ABCA10: variants seen among roughly 807,000 people sequenced by gnomAD.
ABCA10 encodes ATP-binding cassette sub-family A member 10.
In ABCA10, 169 loss-of-function variants were observed where a neutral mutation model predicts 187.5. That is an observed-to-expected ratio of 0.90 (90% CI 0.80 to 1.02). ABCA10 has a LOEUF of 1.02. Ranked by LOEUF, ABCA10 falls within the 50% of genes least tolerant of loss-of-function variation. ABCA10 has a pLI of 0.00. For synonymous variants in ABCA10, 574 were observed against 601.8 expected, an observed-to-expected ratio of 0.95 and a Z score of 0.68; for missense variants, 1,727 against 1,812.4, an observed-to-expected ratio of 0.95 and a Z score of 0.86.
chr17:69,188,061 A>G (rs2074435501), intron 18 of ABCA10, among the ~76,000 whole-genome samples, 182 bp from the exon 19 acceptor site: 1 of 152,214 alleles, frequency 6.6e-6, no homozygotes, highest in Admixed American at 6.5e-5. Flanking sequence ...TTCAGTTCCA[A>G]TGAGACAGTA....
chr17:69,164,907 A>T, intron 26 of ABCA10, 57 bp downstream of exon 26: 1 of 1,561,122 alleles, frequency 6.4e-7, no homozygotes. Context: ...ATGGGTAAGG[A>T]TTTTATTAAT....
At chr17:69,235,150 T>C (rs2074859320) in intron 1 of ABCA10, 1 of 152,240 alleles carries the variant, frequency 6.6e-6, no homozygotes. Context: ...TTTAACCATC[T>C]CTGCCCATCT....
intron 25 of ABCA10, among the ~76,000 whole-genome samples, chr17:69,168,544 AT>A (rs1436124668): frequency 6.6e-6 from 1 of 152,226 alleles, no homozygotes; most frequent in Non-Finnish European, 1.5e-5. Flanking sequence ...TAATCAAAAA[AT>A]ATGCATATTA....
In ABCA10 at chr17:69,152,378, C is replaced by T. The variant is rs1470799367; in HGVS notation, c.4240G>A (p.Val1414Met). 2 of 1,613,614 alleles carry T rather than the reference C, an allele frequency of 1.2e-6. No homozygotes were observed. Among genetic ancestry groups the T allele is most frequent in the Non-Finnish European group, 1.7e-6 (2 of 1,179,888 alleles). Residue 1414 changes from valine to methionine, a missense_variant, in exon 35 of 39, where the codon GTG becomes ATG. Transcript: ENST00000690296. ...EAVCDRMAMMVSGTLRCIGSI... is the reference protein window; with the variant it reads ...EAVCDRMAMMMSGTLRCIGSI... ...GGCACCCACCTTAGCGTTCCTGACA[C>T]CATCATGGCCATACGGTCACACACA... is the stretch of plus-strand genomic sequence containing the variant.
chr17:69,188,950 T>C (rs2074440931), intron 18 of ABCA10, among the ~76,000 whole-genome samples: 1 of 152,160 alleles, frequency 6.6e-6, no homozygotes, highest in African/African-American at 2.4e-5. Flanking sequence ...GGCATCTAGG[T>C]TGATTCCATG....
chr17:69,159,346 A>C (rs972616151), intron 27 of ABCA10, among the ~76,000 whole-genome samples: 2 of 152,124 alleles, frequency 1.3e-5, no homozygotes, highest in African/African-American at 4.8e-5. Flanking sequence ...GGTAGTTCCA[A>C]AAAGATAGGG....
intron 17 of ABCA10, among the ~76,000 whole-genome samples, 173 bp downstream of exon 17, chr17:69,191,003 A>G (rs2074455548): frequency 6.6e-6 from 1 of 152,172 alleles, no homozygotes; most frequent in South Asian, 2.1e-4. Flanking sequence ...TTTAGTTGCT[A>G]TAATACGTCC....
intron 31 of ABCA10, 64 bp from the exon 32 acceptor site, chr17:69,154,073 G>A: frequency 6.5e-7 from 1 of 1,548,586 alleles, no homozygotes; most frequent in South Asian, 1.3e-5. Flanking sequence ...TTCTACTAAA[G>A]GAGATAAAAG....
At chr17:69,231,457 A>G (rs535110513), upstream of ABCA10, among the ~76,000 whole-genome samples, 30 of 152,212 alleles carry the variant, frequency 2.0e-4, no homozygotes, top group Non-Finnish European at 3.1e-4. Flanking sequence ...TGGTTCTAGT[A>G]TATCATGTTC....
At chr17:69,167,048 C>T (rs1015674028) in intron 25 of ABCA10, among the ~76,000 whole-genome samples, 1 of 152,138 alleles carries the variant, frequency 6.6e-6, no homozygotes, top group Admixed American at 6.5e-5. Flanking sequence ...AACAAGAAGG[C>T]CTGGACAATG....
intron 22 of ABCA10, among the ~76,000 whole-genome samples, chr17:69,180,604 A>G (rs1458369159): frequency 6.6e-6 from 1 of 152,156 alleles, no homozygotes; most frequent in African/African-American, 2.4e-5. Context: ...ATGAAATTAT[A>G]TTAGATCTCA....
rs78122646 is a variant in ABCA10 at position 69,224,268 on chromosome 17, T to C, written c.34+1057A>G. 2.7e-3 allele frequency among the ~76,000 whole-genome samples: 414 copies of C among 152,112 alleles called. 3 individuals carry two copies. Among genetic ancestry groups the C allele is most frequent in the African/African-American group, 9.1e-3 (377 of 41,506 alleles). ...GCAATCCAGACACCAAAAAACTAAATAAAAGTTTCAGAAAGACAAGAAAAA... is the reference window on the plus strand; with the variant it reads ...GCAATCCAGACACCAAAAAACTAAACAAAAGTTTCAGAAAGACAAGAAAAA... On this transcript the variant is annotated intron_variant, in intron 3 of 38. Coordinates refer to ENST00000690296, the MANE Select transcript of ABCA10 (RefSeq NM_001377321.1).
intron 27 of ABCA10, among the ~76,000 whole-genome samples, chr17:69,161,333 T>C (rs897453312): frequency 6.6e-6 from 1 of 152,192 alleles, no homozygotes; most frequent in Admixed American, 6.5e-5. Flanking sequence ...CTCACAACAT[T>C]GTAAATATGC....
intron 10 of ABCA10, 60 bp downstream of exon 10, chr17:69,201,440 C>A: frequency 3.0e-6 from 4 of 1,343,990 alleles, no homozygotes; most frequent in Non-Finnish European, 4.0e-6. Flanking sequence ...ATTTGACCTG[C>A]AGCTTCATTT....
At chr17:69,188,242 C>T (rs557465894) in intron 18 of ABCA10, among the ~76,000 whole-genome samples, 70 of 152,186 alleles carry the variant, frequency 4.6e-4, no homozygotes, top group Non-Finnish European at 8.5e-4. Context: ...TCTGGAATTT[C>T]CCCTACAGGA....
chr17:69,208,873 C>CA (rs1355094354), intron 9 of ABCA10, among the ~76,000 whole-genome samples: 1 of 151,934 alleles, frequency 6.6e-6, no homozygotes. Flanking sequence ...CCCACCTCTA[C>CA]AAAAAAATTT....
At chr17:69,223,398 A>G (rs958651744) in intron 3 of ABCA10, among the ~76,000 whole-genome samples, 12 of 152,332 alleles carry the variant, frequency 7.9e-5, no homozygotes, top group African/African-American at 2.9e-4. Flanking sequence ...AATTAAGTGT[A>G]TAGTAATCAG....
At chr17:69,230,846 CTCT>C (rs1379919096), upstream of ABCA10, among the ~76,000 whole-genome samples, 2 of 152,086 alleles carry the variant, frequency 1.3e-5, no homozygotes, top group Non-Finnish European at 2.9e-5. Flanking sequence ...TCTTGGTTAT[CTCT>C]TTTTATTTTA....
chr17:69,183,612 A>C (rs928895470), intron 20 of ABCA10, among the ~76,000 whole-genome samples: 7 of 152,254 alleles, frequency 4.6e-5, no homozygotes, highest in African/African-American at 1.7e-4. Flanking sequence ...GGTTGAGATC[A>C]CGGGAGGATT....
Sources: gnomAD v4.1 joint callset for allele counts (sites outside exome capture counted in the v4.1 genomes callset) on GRCh38, gnomAD v4.1.1 for gene constraint, MANE v1.5 for transcripts, NCBI Gene and HGNC (gene_info 2026-07-23, HGNC 2026-07-21) for gene names.